Variants in ANO6 observed in about 807,000 individuals in gnomAD.
The protein encoded by ANO6 is anoctamin-6.
In ANO6, 106 loss-of-function variants were observed where a neutral mutation model predicts 117.5. That is an observed-to-expected ratio of 0.90 (90% CI 0.77 to 1.06). The LOEUF is 1.06. Among genes scored for constraint, ANO6 ranks in the 50% least tolerant of loss-of-function variants. ANO6 has a pLI of 0.00. For synonymous variants in ANO6, 367 were observed against 385.1 expected, an observed-to-expected ratio of 0.95 and a Z score of 0.55; for missense variants, 955 against 1,121.1, an observed-to-expected ratio of 0.85 and a Z score of 2.12.
At chr12:45,302,969 G>T (rs1279368553) in intron 2 of ANO6, among the ~76,000 whole-genome samples, 3 of 152,104 alleles carry the variant, frequency 2.0e-5, no homozygotes, top group African/African-American at 7.2e-5. Flanking sequence ...GTAATTGGCA[G>T]AGCACAATTG....
chr12:45,278,297 T>G (rs1181183957), intron 1 of ANO6, among the ~76,000 whole-genome samples: 1 of 152,218 alleles, frequency 6.6e-6, no homozygotes, highest in Non-Finnish European at 1.5e-5. Flanking sequence ...TCCTTCAGTT[T>G]GTTTTCAGTC....
intron 11 of ANO6, among the ~76,000 whole-genome samples, chr12:45,389,641 A>G (rs1006081964): frequency 3.9e-5 from 6 of 152,180 alleles, no homozygotes; most frequent in Non-Finnish European, 7.3e-5. Context: ...AGAGAGGCCT[A>G]TAGTGTGATG....
chr12:45,227,589 A>T (rs570558766), intron 1 of ANO6, among the ~76,000 whole-genome samples: 1 of 152,070 alleles, frequency 6.6e-6, no homozygotes, highest in Non-Finnish European at 1.5e-5. Flanking sequence ...GGGCAGTTAC[A>T]TTATCACCCT....
chr12:45,348,236 C>G lies in ANO6; in HGVS notation c.554C>G (p.Pro185Arg). ...CCAGAGCAAGAGTTTTTCACTGCCC[C>G]ATTTGAGAAGAACCGGATGAATGAT... is the stretch of plus-strand genomic sequence containing the variant. The part of the protein sequence containing the change: ...IKPEQEFFTA[P>R]FEKNRMNDFY... Residue 185 changes from proline (P) to arginine (R), a missense_variant, in exon 5 of 20, where the codon CCA becomes CGA. Pro to Arg is a moderately radical substitution (Grantham distance 103). Transcript: ENST00000320560. 3 of 1,614,034 alleles carry G rather than the reference C, an allele frequency of 1.9e-6. No individual in the cohort carries two copies. The South Asian group carries it at 3.3e-5, about 18-fold the overall frequency.
intron 9 of ANO6, among the ~76,000 whole-genome samples, chr12:45,376,691 G>A (rs1351309638): frequency 3.4e-5 from 5 of 146,926 alleles, no homozygotes; most frequent in African/African-American, 1.3e-4. Context: ...ATCACACTCT[G>A]GGGACTGTTG....
chr12:45,243,132 T>C (rs1216753207), intron 1 of ANO6, among the ~76,000 whole-genome samples: 4 of 152,132 alleles, frequency 2.6e-5, no homozygotes, highest in Non-Finnish European at 5.9e-5. Context: ...GCCTAGGCAA[T>C]GTAGCGAGAC....
At chr12:45,380,216 G>A (rs1189422006) in intron 10 of ANO6, among the ~76,000 whole-genome samples, 1 of 152,176 alleles carries the variant, frequency 6.6e-6, no homozygotes, top group Admixed American at 6.5e-5. Context: ...CTGATTCATA[G>A]AGTCCTAAAC....
intron 3 of ANO6, among the ~76,000 whole-genome samples, chr12:45,341,291 A>G (rs1044986727): frequency 2.0e-5 from 3 of 152,184 alleles, no homozygotes; most frequent in African/African-American, 7.2e-5. Context: ...CTCTTTAACA[A>G]TTTTACTTTT....
intron 16 of ANO6, among the ~76,000 whole-genome samples, chr12:45,415,022 T>C (rs1311163340): frequency 6.6e-6 from 1 of 152,186 alleles, no homozygotes; most frequent in Non-Finnish European, 1.5e-5. Flanking sequence ...CCTCCCAAAG[T>C]GCTGGGATTA....
intron 15 of ANO6, 133 bp downstream of exon 15, chr12:45,403,669 T>TC: frequency 1.3e-6 from 1 of 746,816 alleles, no homozygotes; most frequent in Non-Finnish European, 2.3e-6. Flanking sequence ...GAATCTGTTG[T>TC]CATTAAAGGT....
chr12:45,379,604 T>G (rs1176745611), intron 10 of ANO6, among the ~76,000 whole-genome samples: 1 of 152,258 alleles, frequency 6.6e-6, no homozygotes, highest in Non-Finnish European at 1.5e-5. Context: ...CTCTCAGCGT[T>G]GAATCATAAT....
intron 2 of ANO6, among the ~76,000 whole-genome samples, chr12:45,321,992 C>A (rs901323974): frequency 6.6e-6 from 1 of 152,058 alleles, no homozygotes; most frequent in Non-Finnish European, 1.5e-5. Context: ...GTGAAGAATG[C>A]CTGGTAGTCC....
In ANO6 at chr12:45,281,122, G is replaced by A. The variant is rs79484759; in HGVS notation, c.71-20892G>A. On this transcript the variant is annotated intron_variant, in intron 1 of 19. Coordinates refer to ENST00000320560, the MANE Select transcript of ANO6 (RefSeq NM_001025356.3). ...ATACAAGTTTCATCTTATAAAACAA[G>A]GCACAAAAAATGAACAAAAATATAT... is the stretch of plus-strand genomic sequence containing the variant. Among the ~76,000 whole-genome samples, 1,448 of 151,986 alleles carry A rather than the reference G, an allele frequency of 9.5e-3. 25 individuals are homozygous for A. Among genetic ancestry groups the A allele is most frequent in the African/African-American group, 0.033 (1,363 of 41,460 alleles).
chr12:45,270,670 G>GT lies in ANO6; in HGVS notation c.71-31343dup, dbSNP rs1441968453. On this transcript the variant is annotated intron_variant, in intron 1 of 19. Transcript: ENST00000320560. ...ATAATATTTGTTGAATTGAAGTTCTGTAACTTTTTATTCCTCAGTCCACAT... is the reference window on the plus strand; with the variant it reads ...ATAATATTTGTTGAATTGAAGTTCTGTTAACTTTTTATTCCTCAGTCCACAT... 33 of 459,622 alleles carry GT rather than the reference G, an allele frequency of 7.2e-5. No individual in the cohort carries two copies. In the Admixed American group the frequency reaches 9.1e-4, roughly 13 times the overall value. The allele number at this position is 459,622 out of a possible 1,614,324, so 28.5% of individuals were successfully genotyped here. A position where few individuals can be genotyped will look rare whatever the true frequency, so the allele number is the denominator to read the frequency against.
At chr12:45,363,365 C>A (rs923749966) in intron 8 of ANO6, among the ~76,000 whole-genome samples, 1 of 152,018 alleles carries the variant, frequency 6.6e-6, no homozygotes, top group Non-Finnish European at 1.5e-5. Context: ...GAGTTTGAGA[C>A]CATCCTCACT....
chr12:45,233,667 A>C (rs188719588), intron 1 of ANO6, among the ~76,000 whole-genome samples: 2 of 152,324 alleles, frequency 1.3e-5, no homozygotes, highest in Admixed American at 1.3e-4. Context: ...CATATTTTAC[A>C]TATAGTAAAA....
intron 1 of ANO6, among the ~76,000 whole-genome samples, chr12:45,257,002 G>A (rs1246153877): frequency 6.6e-6 from 1 of 151,864 alleles, no homozygotes; most frequent in East Asian, 1.9e-4. Context: ...GACTTTTAAT[G>A]TGATTTTGTT....
chr12:45,366,039 C>A (rs1182016483), intron 8 of ANO6, among the ~76,000 whole-genome samples: 1 of 151,760 alleles, frequency 6.6e-6, no homozygotes, highest in African/African-American at 2.4e-5. Flanking sequence ...AACTGCACAG[C>A]TCCAGTCCTA....
At chr12:45,292,722 A>G (rs2137280927) in intron 1 of ANO6, 1 of 1,388,980 alleles carries the variant, frequency 7.2e-7, no homozygotes, top group Non-Finnish European at 9.4e-7. Context: ...GGAAGAGTTC[A>G]TAAGCAGAGC....
Sources: gnomAD v4.1 joint callset for allele counts (sites outside exome capture counted in the v4.1 genomes callset) on GRCh38, gnomAD v4.1.1 for gene constraint, MANE v1.5 for transcripts, NCBI Gene and HGNC (gene_info 2026-07-23, HGNC 2026-07-21) for gene names.